The following FAT3 variants were observed in gnomAD, a reference collection of about 807,000 sequenced individuals.
FAT3 encodes the protein FAT atypical cadherin 3.
A neutral mutation model predicts 310.2 loss-of-function variants in FAT3; 95 were observed. The observed-to-expected ratio is 0.31, with a 90% CI of 0.26 to 0.36. FAT3 has a LOEUF of 0.36. FAT3 is among the 10% of genes least tolerant of loss of function. FAT3 has a pLI of 1.00. For missense variants in FAT3, 5,408 were observed against 5,715.6 expected, an observed-to-expected ratio of 0.95 and a Z score of 1.74; for synonymous variants, 2,314 against 2,192.9, an observed-to-expected ratio of 1.06 and a Z score of -1.54.
At chr11:92,869,831 A>G (rs12278500) in intron 22 of FAT3, among the ~76,000 whole-genome samples, 7,797 of 152,210 alleles carry the variant, frequency 0.051, 673 homozygotes, top group African/African-American at 0.18. Flanking sequence ...GCCTTCAAGA[A>G]TTCCCTCTGG....
rs1311077918 is a variant in FAT3 at position 92,354,017 on chromosome 11, T to TA, written c.1911dup (p.Ser638IlefsTer8). On this transcript the variant is annotated frameshift_variant, in exon 2 of 28. Transcript: ENST00000525166. LOFTEE classifies it high-confidence loss of function. ...ACCCAGATTCTGGTGTTTTACAGCT[T>TA]AAAAAATCACTGACAAATTCTGGCA... The TA allele has an allele frequency of 1.2e-6, 2 of 1,613,190 alleles. No homozygotes were observed. Among genetic ancestry groups the TA allele is most frequent in the Non-Finnish European group, 1.7e-6 (2 of 1,179,562 alleles).
chr11:92,424,573 G>A (rs1056980797), intron 2 of FAT3, among the ~76,000 whole-genome samples: 2 of 152,136 alleles, frequency 1.3e-5, no homozygotes, highest in African/African-American at 4.8e-5. Flanking sequence ...CACTATTGCA[G>A]TCTAGTAGTA....
intron 2 of FAT3, among the ~76,000 whole-genome samples, chr11:92,496,533 C>A (rs1952769791): frequency 6.6e-6 from 1 of 151,960 alleles, no homozygotes; most frequent in Middle Eastern, 3.2e-3. Flanking sequence ...TCACAGTGAC[C>A]CCCATGTGCC....
At chr11:92,473,940 T>C (rs1037955702) in intron 2 of FAT3, among the ~76,000 whole-genome samples, 1 of 152,168 alleles carries the variant, frequency 6.6e-6, no homozygotes, top group African/African-American at 2.4e-5. Flanking sequence ...CACTCAAGGC[T>C]CTTTGTCAGG....
chr11:92,568,020 A>G (rs1955530045), intron 3 of FAT3, among the ~76,000 whole-genome samples: 1 of 152,120 alleles, frequency 6.6e-6, no homozygotes, highest in Non-Finnish European at 1.5e-5. Context: ...GTGCACATGT[A>G]CCCTAAAACT....
At chr11:92,634,134 C>T (rs1039328115) in intron 3 of FAT3, among the ~76,000 whole-genome samples, 1 of 152,174 alleles carries the variant, frequency 6.6e-6, no homozygotes, top group Non-Finnish European at 1.5e-5. Context: ...TTCAGAAATG[C>T]AGAGATTTTT....
chr11:92,482,710 C>G (rs1952264912), intron 2 of FAT3, among the ~76,000 whole-genome samples: 1 of 152,198 alleles, frequency 6.6e-6, no homozygotes, highest in Non-Finnish European at 1.5e-5. Context: ...CCTTTGCCCT[C>G]ATGCCTAGAG....
In FAT3 at chr11:92,566,065, G is replaced by T. The variant is rs540077298; in HGVS notation, c.3607+41117G>T. On this transcript the variant is annotated intron_variant, in intron 3 of 27. Coordinates refer to ENST00000525166, the MANE Select transcript of FAT3 (RefSeq NM_001367949.2). Reference sequence around the variant, plus strand: ...AATAGGCAGGAGAAGGAAATAAAGGGTATTCAATTAGGAAAAGAGGAAGTC... The same window carrying T: ...AATAGGCAGGAGAAGGAAATAAAGGTTATTCAATTAGGAAAAGAGGAAGTC... 2.4e-4 allele frequency among the ~76,000 whole-genome samples: 36 copies of T among 152,268 alleles called. 1 individual carries two copies. In the East Asian group the frequency reaches 6.0e-3, roughly 25 times the overall value.
At chr11:92,565,101 G>T (rs1347742261) in intron 3 of FAT3, among the ~76,000 whole-genome samples, 1 of 138,674 alleles carries the variant, frequency 7.2e-6, no homozygotes, top group Non-Finnish European at 1.6e-5. Flanking sequence ...TCCAGGAGCT[G>T]GTTTTTTGAA....
intron 13 of FAT3, among the ~76,000 whole-genome samples, chr11:92,829,027 C>T (rs1376527987): frequency 6.6e-6 from 1 of 152,208 alleles, no homozygotes; most frequent in African/African-American, 2.4e-5. Context: ...CATCTGTTCA[C>T]AGCACTGTGG....
At chr11:92,770,186 C>T (rs986226092) in intron 6 of FAT3, among the ~76,000 whole-genome samples, 3 of 152,160 alleles carry the variant, frequency 2.0e-5, no homozygotes, top group Non-Finnish European at 4.4e-5. Context: ...CCAAATAAGC[C>T]TCTCATTTTT....
intron 2 of FAT3, among the ~76,000 whole-genome samples, chr11:92,419,909 C>T (rs934814407): frequency 1.3e-5 from 2 of 152,120 alleles, no homozygotes; most frequent in Admixed American, 1.3e-4. Context: ...AACCTTTTAA[C>T]CTCTTAGTGT....
At chr11:92,521,045 A>G (rs1953664589) in intron 2 of FAT3, among the ~76,000 whole-genome samples, 1 of 152,112 alleles carries the variant, frequency 6.6e-6, no homozygotes, top group African/African-American at 2.4e-5. Context: ...GTGATATACC[A>G]TCTTCCTGTT....
rs142237388 is a variant in FAT3, at chr11:92,734,393, A to G, written c.3670-27463A>G. On this transcript the variant is annotated intron_variant, in intron 4 of 27. Coordinates refer to ENST00000525166, the MANE Select transcript of FAT3 (RefSeq NM_001367949.2). Reference sequence around the variant, plus strand: ...ACAAGATGTGTAGAGAAGGGATTACATAGATGTCTGTTCCAAAGGCTGTTA... The same window carrying G: ...ACAAGATGTGTAGAGAAGGGATTACGTAGATGTCTGTTCCAAAGGCTGTTA... 1.4e-4 allele frequency among the ~76,000 whole-genome samples: 21 copies of G among 152,310 alleles called. No homozygotes were observed. In the East Asian group the frequency reaches 4.1e-3, roughly 29 times the overall value.
intron 2 of FAT3, among the ~76,000 whole-genome samples, chr11:92,361,117 T>C (rs547852833): frequency 6.6e-6 from 1 of 152,288 alleles, no homozygotes; most frequent in African/African-American, 2.4e-5. Context: ...TGGATTGACT[T>C]AGGATCTGAT....
At chr11:92,807,151 T>C (rs909618164) in intron 12 of FAT3, among the ~76,000 whole-genome samples, 1 of 152,200 alleles carries the variant, frequency 6.6e-6, no homozygotes, top group African/African-American at 2.4e-5. Context: ...AATGCATTTC[T>C]TTTGGAAAGA....
At chr11:92,229,880 G>A (rs1864098260) in intron 1 of FAT3, among the ~76,000 whole-genome samples, 1 of 149,538 alleles carries the variant, frequency 6.7e-6, no homozygotes, top group Non-Finnish European at 1.5e-5. Flanking sequence ...ATAGAAAACA[G>A]ATTTCAGAAC....
intron 2 of FAT3, among the ~76,000 whole-genome samples, chr11:92,467,279 G>C (rs1037849885): frequency 6.6e-6 from 1 of 152,044 alleles, no homozygotes; most frequent in South Asian, 2.1e-4. Flanking sequence ...CATTCTAACT[G>C]GTGTGAGATG....
chr11:92,708,571 T>A (rs1044802633), intron 4 of FAT3, among the ~76,000 whole-genome samples: 5 of 152,254 alleles, frequency 3.3e-5, no homozygotes, highest in Non-Finnish European at 5.9e-5. Context: ...TTAGCTATTA[T>A]AATTAGAAGC....
Sources: gnomAD v4.1 joint callset for allele counts (sites outside exome capture counted in the v4.1 genomes callset) on GRCh38, gnomAD v4.1.1 for gene constraint, MANE v1.5 for transcripts, NCBI Gene and HGNC (gene_info 2026-07-23, HGNC 2026-07-21) for gene names.